The following BCLAF1 variants were observed in gnomAD, a reference collection of about 807,000 sequenced individuals.
BCLAF1 encodes BCL2 associated transcription factor 1.
A neutral mutation model predicts 99.5 loss-of-function variants in BCLAF1; 10 were observed. That is an observed-to-expected ratio of 0.10 (90% CI 0.06 to 0.17). The LOEUF (loss-of-function observed/expected upper bound fraction) is 0.17. Among genes scored for constraint, BCLAF1 ranks in the 10% least tolerant of loss-of-function variants. The pLI is 1.00. For missense variants in BCLAF1, 636 were observed against 1,105.8 expected, an observed-to-expected ratio of 0.58 and a Z score of 6.02; for synonymous variants, 255 against 370.9, an observed-to-expected ratio of 0.69 and a Z score of 3.59.
rs1780893350 is a variant in BCLAF1 at position 136,261,024 on chromosome 6, G to T, written c.*86C>A. 1 of 1,393,886 alleles carries T rather than the reference G, an allele frequency of 7.2e-7. No homozygotes were observed. Among genetic ancestry groups the T allele is most frequent in the Admixed American group, 2.5e-5 (1 of 40,808 alleles). 86.3% of individuals were successfully genotyped at this position (1,393,886 alleles called of 1,614,324 possible). On this transcript the variant is annotated 3_prime_UTR_variant, in exon 13 of 13. Coordinates refer to ENST00000531224, the MANE Select transcript of BCLAF1 (RefSeq NM_014739.3). ...GCAAACAGTAAAATTTAAGTAAAAT[G>T]CTTACATTCTTATTTGAAAACAAAA...
Position 136,276,409 on chromosome 6 carries a change from C to G in BCLAF1, c.1116G>C (p.Glu372Asp). The change falls in exon 5 of 13, where the codon GAG becomes GAC. Residue 372 changes from glutamate to aspartate, a missense_variant. Physicochemically the swap from Glu to Asp is conservative, Grantham distance 45. This residue lies in a region of BCLAF1 where 186 missense variants were observed against 275.3 expected (regional missense o/e 0.68). Coordinates refer to ENST00000531224, the MANE Select transcript of BCLAF1 (RefSeq NM_014739.3). ...GAGCTTCCTGATCTTCCCATTCTCC[C>G]TCTGCCCTCCCTTTCTCTGATCCTT... ...KEKGSEKGRA[E>D]GEWEDQEALD... is the part of the protein sequence containing the mutation. The G allele has an allele frequency of 1.9e-6, 3 of 1,565,428 alleles. No individual in the cohort carries two copies. The highest frequency in any genetic ancestry group is 1.7e-6 in the Non-Finnish European group (2 of 1,163,820).
chr6:136,261,269 T>C lies in BCLAF1; in HGVS notation c.2753A>G (p.Glu918Gly), dbSNP rs778584534. The change falls in exon 12 of 13, where the codon GAA becomes GGA. Residue 918 changes from glutamate (E) to glycine (G), a missense_variant. By Grantham distance (98) the Glu-to-Gly change is moderately conservative. Transcript: ENST00000531224. ...NEEKKDRRKE[E>G]KE ...TCACAAGTTGAAATTTTATACCTTTTCTTCCTTGCGTCTGTCCTTCTTTTC... is the reference window on the plus strand; with the variant it reads ...TCACAAGTTGAAATTTTATACCTTTCCTTCCTTGCGTCTGTCCTTCTTTTC... The C allele has an allele frequency of 5.6e-6, 9 of 1,612,484 alleles. No homozygotes were observed. The highest frequency in any genetic ancestry group is 6.8e-6 in the Non-Finnish European group (8 of 1,179,558).
In BCLAF1 at chr6:136,276,027, C is replaced by T; in HGVS notation, c.1498G>A (p.Val500Ile). The change falls in exon 5 of 13, where the codon GTA (valine) becomes ATA (isoleucine). Residue 500 changes from valine to isoleucine, a missense_variant. Physicochemically the swap from Val to Ile is conservative, Grantham distance 29 (BLOSUM62 3). Around this residue, in one of 9 missense-constraint regions of BCLAF1, gnomAD observed 186 missense variants for 275.3 expected, o/e 0.68. Transcript: ENST00000531224. ...AGGTCTTTGAGCTTTTCAGACTTTA[C>T]CTGCTCAGGTGACTGAGTTTCTTTC... The part of the protein sequence containing the change: ...VKKETQSPEQ[V>I]KSEKLKDLFD... 6.2e-7 allele frequency: 1 copy of T among 1,609,858 alleles called. No homozygotes were observed. The highest frequency in any genetic ancestry group is 8.5e-7 in the Non-Finnish European group (1 of 1,178,918).
At chr6:136,273,383 C>T (rs1782817536) in intron 6 of BCLAF1, 196 bp from the exon 7 acceptor site, 1 of 529,150 alleles carries the variant, frequency 1.9e-6, no homozygotes, top group Non-Finnish European at 3.4e-6. Flanking sequence ...AAGTTGCTCA[C>T]AGGTCCCTGT....
rs767730623 is a variant in BCLAF1, at chr6:136,259,035, G to A, written c.*2075C>T. 2.0e-5 allele frequency: 3 copies of A among 152,462 alleles called. No homozygotes were observed. Among genetic ancestry groups the A allele is most frequent in the East Asian group, 3.9e-4 (2 of 5,190 alleles). 9.4% of individuals were successfully genotyped at this position (152,462 alleles called of 1,614,324 possible). On this transcript the variant is annotated 3_prime_UTR_variant, in exon 13 of 13. Coordinates refer to ENST00000531224, the MANE Select transcript of BCLAF1 (RefSeq NM_014739.3). ...TTCAACTTTTATAATATCGTAAAGC[G>A]TGGAGTTAAGATGTGTTTTTAAAAA... is the stretch of plus-strand genomic sequence containing the variant.
intron 11 of BCLAF1, among the ~76,000 whole-genome samples, chr6:136,262,981 A>C (rs936560185): frequency 2.0e-5 from 3 of 152,204 alleles, no homozygotes; most frequent in African/African-American, 7.2e-5. Context: ...ATCAGCAGGA[A>C]GTGCCCGGCC....
rs1362369601 is a variant in BCLAF1, at chr6:136,259,174, C to G, written c.*1936G>C. 1 of 152,050 alleles carries G rather than the reference C, an allele frequency of 6.6e-6. No homozygotes were observed. Among genetic ancestry groups the G allele is most frequent in the Non-Finnish European group, 1.5e-5 (1 of 67,898 alleles). 9.4% of individuals were successfully genotyped at this position (152,050 alleles called of 1,614,324 possible). A position where few individuals can be genotyped will look rare whatever the true frequency, so the allele number is the denominator to read the frequency against. ...ACTACACTCTGGTATAATACTCTTT[C>G]TTCAATTCTGTTTAACAGAATAAAA... On this transcript the variant is annotated 3_prime_UTR_variant, in exon 13 of 13. Coordinates refer to ENST00000531224, the MANE Select transcript of BCLAF1 (RefSeq NM_014739.3).
chr6:136,279,673 A>G (rs1281153566), intron 3 of BCLAF1, 90 bp downstream of exon 3: 39 of 1,216,278 alleles, frequency 3.2e-5, no homozygotes, highest in Non-Finnish European at 4.1e-5. Context: ...AATAAAATAC[A>G]TTTTGGGGTT....
At chr6:136,289,368 G>A in intron 1 of BCLAF1, among the ~76,000 whole-genome samples, 1 of 152,130 alleles carries the variant, frequency 6.6e-6, no homozygotes, top group Non-Finnish European at 1.5e-5. Context: ...GGAGCGTTCA[G>A]TCGGGCGCGC....
intron 6 of BCLAF1, chr6:136,273,955 C>G (rs1584050674): frequency 8.4e-7 from 1 of 1,194,824 alleles, no homozygotes; most frequent in Non-Finnish European, 1.1e-6. Context: ...CATCTGTTGT[C>G]AACTTACCGC....
intron 1 of BCLAF1, among the ~76,000 whole-genome samples, chr6:136,287,263 T>C (rs899741399): frequency 2.6e-5 from 4 of 152,092 alleles, no homozygotes; most frequent in African/African-American, 9.7e-5. Flanking sequence ...TGAGCCGAGA[T>C]GGCGCCACTG....
At chr6:136,261,727 G>C (rs1021141317) in intron 11 of BCLAF1, among the ~76,000 whole-genome samples, 2 of 152,090 alleles carry the variant, frequency 1.3e-5, no homozygotes, top group African/African-American at 4.8e-5. Context: ...TCATTTGGAA[G>C]ATCTCAACTG....
In BCLAF1 at chr6:136,278,265, A is replaced by C; in HGVS notation, c.616T>G (p.Ser206Ala). Residue 206 changes from serine to alanine, a missense_variant, in exon 4 of 13, where the codon TCA becomes GCA. By Grantham distance (99) the Ser-to-Ala change is moderately conservative. This residue lies in a region of BCLAF1 where 65 missense variants were observed against 90.9 expected (regional missense o/e 0.71). Coordinates refer to ENST00000531224, the MANE Select transcript of BCLAF1 (RefSeq NM_014739.3). ...GGCCAAATATCACCGGATGTGGCTG[A>C]TGACTTATTAAATTCATCGATAGAC... Reference protein sequence around the residue: ...SESIDEFNKSSATSGDIWPGL... With the variant: ...SESIDEFNKSAATSGDIWPGL... 1 of 1,614,170 alleles carries C rather than the reference A, an allele frequency of 6.2e-7. No homozygotes were observed. The highest frequency in any genetic ancestry group is 8.5e-7 in the Non-Finnish European group (1 of 1,180,012).
chr6:136,284,114 A>G (rs986590028), intron 1 of BCLAF1, among the ~76,000 whole-genome samples: 21 of 97,516 alleles, frequency 2.2e-4, no homozygotes, highest in African/African-American at 1.3e-3. Flanking sequence ...ATATACATAT[A>G]TATGTGTGTG....
chr6:136,285,406 G>A (rs1784998755), intron 1 of BCLAF1, among the ~76,000 whole-genome samples: 1 of 152,190 alleles, frequency 6.6e-6, no homozygotes, highest in African/African-American at 2.4e-5. Flanking sequence ...AACAAAAGAT[G>A]TGTTTGCCGT....
intron 2 of BCLAF1, among the ~76,000 whole-genome samples, chr6:136,281,119 G>C (rs1234100520): frequency 6.6e-6 from 1 of 152,108 alleles, no homozygotes; most frequent in Admixed American, 6.6e-5. Flanking sequence ...ACAAATTCAA[G>C]ATGTTTGAGA....
intron 11 of BCLAF1, among the ~76,000 whole-genome samples, chr6:136,264,859 A>C (rs1781505532): frequency 6.6e-6 from 1 of 152,178 alleles, no homozygotes; most frequent in African/African-American, 2.4e-5. Context: ...CAAGATTTTT[A>C]AATATAACCC....
Position 136,278,727 on chromosome 6 carries a change from T to A in BCLAF1, c.154A>T (p.Met52Leu). The change falls in exon 4 of 13, where the codon ATG becomes TTG. Residue 52 changes from methionine to leucine, a missense_variant. Coordinates refer to ENST00000531224, the MANE Select transcript of BCLAF1 (RefSeq NM_014739.3). ...TCGCGACGATAATCTCTAGAATACA[T>A]ACGATCTCTACTACGAGACCTTGAA... ...TYSRSRSRDR[M>L]YSRDYRRDYR... 2 of 1,606,686 alleles carry A rather than the reference T, an allele frequency of 1.2e-6. No individual in the cohort carries two copies. Among genetic ancestry groups the A allele is most frequent in the Non-Finnish European group, 1.7e-6 (2 of 1,177,868 alleles).
rs1780736180 is a variant in BCLAF1, at chr6:136,259,670, T to C, written c.*1440A>G. On this transcript the variant is annotated 3_prime_UTR_variant, in exon 13 of 13. Coordinates refer to ENST00000531224, the MANE Select transcript of BCLAF1 (RefSeq NM_014739.3). ...TCCAACAGTTCTTAACCAATGTTCCTGGCTGTAATCTAGGTGCTAGACGCA... is the reference window on the plus strand; with the variant it reads ...TCCAACAGTTCTTAACCAATGTTCCCGGCTGTAATCTAGGTGCTAGACGCA... 2 of 152,062 alleles carry C rather than the reference T, an allele frequency of 1.3e-5. No homozygotes were observed. Among genetic ancestry groups the C allele is most frequent in the South Asian group, 2.1e-4 (1 of 4,836 alleles). 9.4% of individuals were successfully genotyped at this position (152,062 alleles called of 1,614,324 possible).
Sources: gnomAD v4.1 joint callset for allele counts (sites outside exome capture counted in the v4.1 genomes callset) on GRCh38, gnomAD v4.1.1 for gene constraint, gnomAD v4.1.1 regional missense constraint, MANE v1.5 for transcripts, NCBI Gene and HGNC (gene_info 2026-07-23, HGNC 2026-07-21) for gene names.